The following MTUS2 variants were observed in gnomAD, a reference collection of about 807,000 sequenced individuals.
MTUS2 encodes the protein microtubule associated scaffold protein 2.
Under a neutral mutation model 114.1 loss-of-function variants are expected in MTUS2, and 40 were observed. That is an observed-to-expected ratio of 0.35 (90% CI 0.27 to 0.46). The LOEUF (loss-of-function observed/expected upper bound fraction) is 0.46. Ranked by LOEUF, MTUS2 falls within the 20% of genes least tolerant of loss-of-function variation. MTUS2 has a pLI of 1.00. For synonymous variants in MTUS2, 688 were observed against 672.0 expected (o/e 1.02, Z -0.37); for missense variants, 1,679 against 1,705.4 (o/e 0.98, Z 0.27).
intron 6 of MTUS2, among the ~76,000 whole-genome samples, chr13:29,318,391 C>CTTTTTTTTTTTTTTTTTTTTTTTT (rs71090240): frequency 1.5e-5 from 2 of 135,034 alleles, no homozygotes; most frequent in Admixed American, 7.7e-5. Context: ...ATTTCTTTTT[C>CTTTTTTTTTTTTTTTTTTTTTTTT]TTTTTTTTTT....
intron 2 of MTUS2, among the ~76,000 whole-genome samples, chr13:28,945,147 T>A (rs531737274): frequency 6.7e-6 from 1 of 149,984 alleles, no homozygotes; most frequent in East Asian, 2.0e-4. Context: ...AAAGACATGA[T>A]TCGTTGTTTT....
chr13:29,145,735 A>G (rs929985936), intron 5 of MTUS2, among the ~76,000 whole-genome samples: 4 of 152,008 alleles, frequency 2.6e-5, no homozygotes, highest in South Asian at 2.1e-4. Flanking sequence ...TTCTATTATC[A>G]TATGTTTTCA....
intron 2 of MTUS2, among the ~76,000 whole-genome samples, chr13:28,968,761 A>G (rs1173772798): frequency 1.3e-5 from 2 of 152,196 alleles, no homozygotes; most frequent in Non-Finnish European, 2.9e-5. Context: ...TAACTTTTTA[A>G]ACTTTGTCTT....
rs1476960968 is a variant in MTUS2, at chr13:29,505,527, C to G, written c.*2321C>G. ...TCCTCATCTGAGCCATCACCGCTCC[C>G]GAAACACATGGGGCGGCAGCTGCTG... On this transcript the variant is annotated 3_prime_UTR_variant, in exon 16 of 16. Coordinates refer to ENST00000612955, the MANE Select transcript of MTUS2 (RefSeq NM_001033602.4). 4.3e-6 allele frequency: 1 copy of G among 231,154 alleles called. No homozygotes were observed. Among genetic ancestry groups the G allele is most frequent in the African/African-American group, 2.2e-5 (1 of 45,178 alleles). The allele number at this position is 231,154 out of a possible 1,614,324, so 14.3% of individuals were successfully genotyped here.
At chr13:29,125,201 A>G (rs1405527527) in intron 5 of MTUS2, among the ~76,000 whole-genome samples, 1 of 152,254 alleles carries the variant, frequency 6.6e-6, no homozygotes. Context: ...TGTCACTTTG[A>G]TAACTATAGG....
At chr13:29,071,427 T>TTTTTTTTTTTTTTTTTG (rs1888927623) in intron 4 of MTUS2, among the ~76,000 whole-genome samples, 1 of 106,510 alleles carries the variant, frequency 9.4e-6, no homozygotes, top group Non-Finnish European at 1.9e-5. Flanking sequence ...TTTTTTTTTT[T>TTTTTTTTTTTTTTTTTG]TTTTTTTTTT....
chr13:29,112,221 G>A (rs778110133), intron 5 of MTUS2, among the ~76,000 whole-genome samples: 3 of 152,190 alleles, frequency 2.0e-5, no homozygotes, highest in Non-Finnish European at 4.4e-5. Flanking sequence ...CTGACACATT[G>A]TGTAGGGAGT....
upstream of MTUS2, among the ~76,000 whole-genome samples, chr13:28,819,963 G>A (rs1873771490): frequency 6.8e-6 from 1 of 147,470 alleles, no homozygotes; most frequent in South Asian, 2.1e-4. Flanking sequence ...GGGTCTCGGC[G>A]AGTGCGTCTC....
intron 2 of MTUS2, among the ~76,000 whole-genome samples, chr13:28,843,641 CT>C (rs1875659503): frequency 6.6e-6 from 1 of 152,178 alleles, no homozygotes; most frequent in African/African-American, 2.4e-5. Context: ...ATATAAGCTT[CT>C]TTGTTGTCCT....
chr13:29,264,242 G>A (rs978737159), intron 5 of MTUS2, among the ~76,000 whole-genome samples: 2 of 152,198 alleles, frequency 1.3e-5, no homozygotes, highest in African/African-American at 4.8e-5. Flanking sequence ...CCACATCCAG[G>A]GCACACTAGT....
At chr13:28,991,688 A>AT (rs1411271221) in intron 2 of MTUS2, among the ~76,000 whole-genome samples, 2 of 152,096 alleles carry the variant, frequency 1.3e-5, no homozygotes, top group Non-Finnish European at 2.9e-5. Flanking sequence ...TGTCTTTAAA[A>AT]TTTAATTTAA....
chr13:28,993,020 C>T (rs1884932557), intron 2 of MTUS2, among the ~76,000 whole-genome samples: 1 of 152,134 alleles, frequency 6.6e-6, no homozygotes, highest in Non-Finnish European at 1.5e-5. Flanking sequence ...ATCTTTTTCT[C>T]TTAGCAACAT....
chr13:28,947,355 A>G (rs1882585131), intron 2 of MTUS2, among the ~76,000 whole-genome samples: 1 of 152,176 alleles, frequency 6.6e-6, no homozygotes, highest in South Asian at 2.1e-4. Context: ...ATTGCTTTGG[A>G]ATGCATGAGC....
chr13:28,925,031 A>G (rs1010821159), intron 2 of MTUS2, among the ~76,000 whole-genome samples: 63 of 152,210 alleles, frequency 4.1e-4, no homozygotes, highest in African/African-American at 1.5e-3. Flanking sequence ...AAATAATTTA[A>G]TTCCTGCTCC....
intron 2 of MTUS2, among the ~76,000 whole-genome samples, chr13:28,964,091 T>C (rs932941073): frequency 2.2e-4 from 33 of 152,198 alleles, no homozygotes; most frequent in Admixed American, 2.0e-3. Flanking sequence ...TCCAAACTTA[T>C]TAGGCTAATT....
chr13:28,855,469 C>T (rs1315895725), intron 2 of MTUS2, among the ~76,000 whole-genome samples: 4 of 152,128 alleles, frequency 2.6e-5, no homozygotes, highest in Admixed American at 1.3e-4. Flanking sequence ...GTTCCCCTCC[C>T]TGTGTCTGTA....
rs73449393 is a variant in MTUS2 at position 29,242,139 on chromosome 13, C to T, written c.2645-39565C>T. Among the ~76,000 whole-genome samples, 920 of 152,278 alleles carry T rather than the reference C, an allele frequency of 6.0e-3. 12 individuals carry two copies. Among genetic ancestry groups the T allele is most frequent in the African/African-American group, 0.021 (865 of 41,536 alleles). On this transcript the variant is annotated intron_variant, in intron 5 of 15. Transcript: ENST00000612955. ...ATTCACCAGTTTCAGAAGTACACTT[C>T]AGTGACTTTTTGTCAATTTACTGAG...
intron 7 of MTUS2, among the ~76,000 whole-genome samples, chr13:29,338,172 G>C (rs1045307301): frequency 2.6e-5 from 4 of 152,054 alleles, no homozygotes; most frequent in African/African-American, 9.7e-5. Flanking sequence ...AGTTTTCCCC[G>C]ATAGTCTAGG....
chr13:29,198,526 T>G (rs983688009), intron 5 of MTUS2, among the ~76,000 whole-genome samples: 17 of 152,174 alleles, frequency 1.1e-4, no homozygotes, highest in Admixed American at 6.5e-4. Flanking sequence ...TTGTTCTTTT[T>G]GCTTAGGATT....
Sources: gnomAD v4.1 joint callset for allele counts (sites outside exome capture counted in the v4.1 genomes callset) on GRCh38, gnomAD v4.1.1 for gene constraint, MANE v1.5 for transcripts, NCBI Gene and HGNC (gene_info 2026-07-23, HGNC 2026-07-21) for gene names.